EPHA6: variants seen among roughly 807,000 people sequenced by gnomAD.
EPHA6 encodes EPH receptor A6, also known as ephrin type-A receptor 6.
A neutral mutation model predicts 112.0 loss-of-function variants in EPHA6; 50 were observed. The ratio of observed to expected loss-of-function variants is 0.45; its 90% CI spans 0.36 to 0.56. EPHA6 has a LOEUF of 0.56. Among genes scored for constraint, EPHA6 ranks in the 20% least tolerant of loss-of-function variants. EPHA6 has a pLI of 0.00. For missense variants in EPHA6, 1,280 were observed against 1,417.4 expected, an observed-to-expected ratio of 0.90 and a Z score of 1.56; for synonymous variants, 529 against 490.7, an observed-to-expected ratio of 1.08 and a Z score of -1.03.
chr3:97,088,915 A>G (rs541136149), intron 3 of EPHA6, among the ~76,000 whole-genome samples: 1 of 152,300 alleles, frequency 6.6e-6, no homozygotes, highest in South Asian at 2.1e-4. Flanking sequence ...ACGCTAAGGA[A>G]GTTTGGGAAA....
intron 3 of EPHA6, among the ~76,000 whole-genome samples, chr3:97,180,863 G>C (rs7651496): frequency 1.3e-5 from 2 of 152,170 alleles, no homozygotes; most frequent in African/African-American, 4.8e-5. Context: ...GTCCTAGCTA[G>C]CGTCTCAGTA....
chr3:97,390,639 T>C (rs1163475858), intron 5 of EPHA6, among the ~76,000 whole-genome samples: 1 of 152,024 alleles, frequency 6.6e-6, no homozygotes, highest in East Asian at 1.9e-4. Flanking sequence ...AAATATTTTA[T>C]AGCTGGAGTA....
intron 1 of EPHA6, among the ~76,000 whole-genome samples, chr3:96,865,355 C>G (rs1272111289): frequency 6.6e-6 from 1 of 151,954 alleles, no homozygotes; most frequent in African/African-American, 2.4e-5. Flanking sequence ...TGCCAAATAA[C>G]ATACTCACAA....
chr3:97,550,728 T>A (rs1163262943), intron 11 of EPHA6, among the ~76,000 whole-genome samples: 1 of 152,134 alleles, frequency 6.6e-6, no homozygotes, highest in Non-Finnish European at 1.5e-5. Flanking sequence ...CTGTGTGATA[T>A]TAAGATGGGG....
chr3:97,320,164 AT>A, intron 5 of EPHA6, among the ~76,000 whole-genome samples: 1 of 152,106 alleles, frequency 6.6e-6, no homozygotes, highest in Non-Finnish European at 1.5e-5. Context: ...ATTTTATCTT[AT>A]TTTAGCCAGA....
intron 15 of EPHA6, among the ~76,000 whole-genome samples, chr3:97,724,286 G>T (rs1166725597): frequency 6.6e-6 from 1 of 152,066 alleles, no homozygotes; most frequent in Non-Finnish European, 1.5e-5. Flanking sequence ...AATATAATGA[G>T]TTTCCCAAAG....
intron 5 of EPHA6, among the ~76,000 whole-genome samples, chr3:97,351,261 A>C (rs1430889945): frequency 6.6e-6 from 1 of 152,202 alleles, no homozygotes; most frequent in African/African-American, 2.4e-5. Flanking sequence ...TCAAATTTTA[A>C]AAATAGACCA....
intron 10 of EPHA6, among the ~76,000 whole-genome samples, chr3:97,486,023 A>G (rs535633535): frequency 4.5e-4 from 68 of 152,352 alleles, no homozygotes; most frequent in African/African-American, 1.5e-3. Context: ...TTTTATTTTT[A>G]GATATTTTTT....
At chr3:96,971,712 G>C (rs951219760) in intron 2 of EPHA6, among the ~76,000 whole-genome samples, 16 of 152,126 alleles carry the variant, frequency 1.1e-4, no homozygotes, top group African/African-American at 3.9e-4. Flanking sequence ...TACAGAATGA[G>C]ATACCCGTGT....
chr3:97,135,856 CCACACACACA>C (rs113592764), intron 3 of EPHA6, among the ~76,000 whole-genome samples: 2 of 148,228 alleles, frequency 1.3e-5, no homozygotes, highest in East Asian at 2.0e-4. Context: ...GGATTAAATG[CCACACACACA>C]CACACACACA....
intron 3 of EPHA6, among the ~76,000 whole-genome samples, chr3:97,075,830 T>G (rs573662676): frequency 6.6e-6 from 1 of 152,166 alleles, no homozygotes; most frequent in African/African-American, 2.4e-5. Flanking sequence ...ATTTTATTAT[T>G]ATTGTATCTG....
At chr3:97,043,107 G>T (rs2108059289) in intron 3 of EPHA6, among the ~76,000 whole-genome samples, 1 of 152,240 alleles carries the variant, frequency 6.6e-6, no homozygotes, top group African/African-American at 2.4e-5. Flanking sequence ...CCCCAGGAAA[G>T]AAAGTCTGAA....
chr3:97,005,556 C>T (rs1218931303), intron 3 of EPHA6, among the ~76,000 whole-genome samples: 2 of 152,162 alleles, frequency 1.3e-5, no homozygotes, highest in African/African-American at 4.8e-5. Flanking sequence ...ATCATGTCGT[C>T]TACAAACAGA....
intron 2 of EPHA6, among the ~76,000 whole-genome samples, chr3:96,935,397 TAAAC>T (rs1162111449): frequency 2.6e-5 from 4 of 151,546 alleles, no homozygotes; most frequent in African/African-American, 9.7e-5. Flanking sequence ...TAATTTTGGT[TAAAC>T]ATTTACACAT....
At chr3:97,729,710 C>CTTT (rs5851077) in intron 15 of EPHA6, among the ~76,000 whole-genome samples, 4 of 150,880 alleles carry the variant, frequency 2.7e-5, no homozygotes, top group Non-Finnish European at 5.9e-5. Flanking sequence ...TTTTCTTTTT[C>CTTT]TTTTTTTTTG....
At chr3:97,202,356 T>C (rs1266752714) in intron 3 of EPHA6, among the ~76,000 whole-genome samples, 1 of 151,806 alleles carries the variant, frequency 6.6e-6, no homozygotes, top group Non-Finnish European at 1.5e-5. Context: ...TAAAATCTTT[T>C]TTTTTTTTTT....
At chr3:97,699,671 A>G (rs999424818) in intron 14 of EPHA6, among the ~76,000 whole-genome samples, 1 of 152,186 alleles carries the variant, frequency 6.6e-6, no homozygotes, top group South Asian at 2.1e-4. Context: ...CCAACATAGA[A>G]ATTAAAACTT....
At chr3:97,052,196 A>G (rs941256836) in intron 3 of EPHA6, among the ~76,000 whole-genome samples, 9 of 152,060 alleles carry the variant, frequency 5.9e-5, no homozygotes, top group African/African-American at 1.9e-4. Flanking sequence ...ACATTATGCC[A>G]CTCACGCATA....
intron 1 of EPHA6, among the ~76,000 whole-genome samples, chr3:96,821,565 G>T (rs2107221099): frequency 6.6e-6 from 1 of 151,824 alleles, no homozygotes; most frequent in African/African-American, 2.4e-5. Context: ...ATACATAAAG[G>T]TTCAAAGAGA....
Sources: gnomAD v4.1 joint callset for allele counts (sites outside exome capture counted in the v4.1 genomes callset) on GRCh38, gnomAD v4.1.1 for gene constraint, MANE v1.5 for transcripts, NCBI Gene and HGNC (gene_info 2026-07-23, HGNC 2026-07-21) for gene names.